Variants in ATP8A2 observed in about 807,000 individuals in gnomAD.
ATP8A2 encodes the protein phospholipid-transporting ATPase IB.
ATP8A2 carries 100 observed loss-of-function variants against 165.6 expected under a neutral mutation model. That is an observed-to-expected ratio of 0.60 (90% CI 0.51 to 0.71). The LOEUF (loss-of-function observed/expected upper bound fraction) is 0.71, where lower values mean the gene tolerates loss of function less well. Ranked by LOEUF, ATP8A2 falls within the 30% of genes least tolerant of loss-of-function variation. The pLI is 0.00. For missense variants in ATP8A2, 1,227 were observed against 1,479.5 expected (o/e 0.83, Z 2.80); for synonymous variants, 543 against 548.8 (o/e 0.99, Z 0.15).
intron 6 of ATP8A2, 32 bp downstream of exon 6, chr13:25,533,345 T>G (rs369124359): frequency 1.5e-6 from 2 of 1,300,526 alleles, no homozygotes; most frequent in African/African-American, 2.9e-5. Context: ...GTACCAGTAC[T>G]ATTGGTTTGA....
chr13:25,619,455 G>T (rs1160809441), intron 24 of ATP8A2, among the ~76,000 whole-genome samples: 1 of 152,078 alleles, frequency 6.6e-6, no homozygotes. Context: ...AGCACGAAAA[G>T]ACACTATAAA....
At chr13:25,552,461 A>G (rs1238154200) in intron 11 of ATP8A2, among the ~76,000 whole-genome samples, 1 of 152,172 alleles carries the variant, frequency 6.6e-6, no homozygotes, top group Non-Finnish European at 1.5e-5. Context: ...ATGCAATTTT[A>G]TGATGCTTTT....
chr13:25,538,812 G>A (rs1420693171), intron 7 of ATP8A2, among the ~76,000 whole-genome samples: 5 of 152,038 alleles, frequency 3.3e-5, no homozygotes, highest in South Asian at 2.1e-4. Flanking sequence ...TGCAGACAGC[G>A]TTTCTTGTAT....
intron 27 of ATP8A2, among the ~76,000 whole-genome samples, chr13:25,786,972 G>A (rs1200405642): frequency 1.3e-5 from 2 of 152,056 alleles, no homozygotes; most frequent in African/African-American, 4.8e-5. Flanking sequence ...GCTTAGAAAC[G>A]GGGTTTTGCC....
chr13:25,426,559 T>TTA (rs1228448037), intron 1 of ATP8A2, among the ~76,000 whole-genome samples: 2 of 152,150 alleles, frequency 1.3e-5, no homozygotes, highest in African/African-American at 2.4e-5. Flanking sequence ...TGTGATACCA[T>TTA]TATGGTGGCT....
At chr13:25,572,992 A>C (rs948501193) in intron 18 of ATP8A2, among the ~76,000 whole-genome samples, 4 of 152,220 alleles carry the variant, frequency 2.6e-5, no homozygotes, top group Non-Finnish European at 5.9e-5. Flanking sequence ...AGATGAGATC[A>C]TGTGATCATG....
At chr13:25,762,268 CAAAAAAAAA>C (rs59081934) in intron 25 of ATP8A2, among the ~76,000 whole-genome samples, 6 of 41,310 alleles carry the variant, frequency 1.5e-4, no homozygotes, top group East Asian at 1.1e-3. Flanking sequence ...GACTCTGTCT[CAAAAAAAAA>C]AAAAAAAAAA....
chr13:25,385,926 T>TTTA (rs2137946269), intron 1 of ATP8A2, among the ~76,000 whole-genome samples: 1 of 151,872 alleles, frequency 6.6e-6, no homozygotes, highest in African/African-American at 2.4e-5. Flanking sequence ...ATTTTTTTTT[T>TTTA]TTTTTTGTAG....
chr13:25,504,590 A>G (rs1339769553), intron 2 of ATP8A2, among the ~76,000 whole-genome samples: 1 of 147,692 alleles, frequency 6.8e-6, no homozygotes, highest in Non-Finnish European at 1.5e-5. Context: ...AATACAAAAA[A>G]TTAGCCGGGC....
intron 1 of ATP8A2, among the ~76,000 whole-genome samples, chr13:25,463,366 A>G (rs1566151155): frequency 6.6e-6 from 1 of 151,878 alleles, no homozygotes; most frequent in Non-Finnish European, 1.5e-5. Flanking sequence ...TCCCTGACCT[A>G]TTTAGTTTAT....
At chr13:25,717,814 G>A (rs932409069) in intron 25 of ATP8A2, among the ~76,000 whole-genome samples, 12 of 152,162 alleles carry the variant, frequency 7.9e-5, no homozygotes, top group African/African-American at 2.7e-4. Context: ...TGGTCTTGTA[G>A]TATGTGCTTG....
At chr13:25,922,351 T>A (rs940612067) in intron 33 of ATP8A2, among the ~76,000 whole-genome samples, 1 of 152,214 alleles carries the variant, frequency 6.6e-6, no homozygotes, top group Admixed American at 6.5e-5. Flanking sequence ...CATAAATCAG[T>A]ACAATTAGTT....
intron 2 of ATP8A2, among the ~76,000 whole-genome samples, chr13:25,497,896 A>G (rs1444603709): frequency 6.6e-6 from 1 of 152,168 alleles, no homozygotes; most frequent in Non-Finnish European, 1.5e-5. Context: ...TGGGAGGCAG[A>G]GGTTGCAGTG....
chr13:25,726,970 TG>T (rs2043508071), intron 25 of ATP8A2, among the ~76,000 whole-genome samples: 1 of 152,122 alleles, frequency 6.6e-6, no homozygotes, highest in African/African-American at 2.4e-5. Flanking sequence ...GATACATACA[TG>T]TGTACATTTC....
At chr13:25,402,746 T>G (rs1449245161) in intron 1 of ATP8A2, among the ~76,000 whole-genome samples, 2 of 152,202 alleles carry the variant, frequency 1.3e-5, no homozygotes, top group Non-Finnish European at 2.9e-5. Flanking sequence ...ATGGGATTAA[T>G]GCCCTTATGA....
At position 25,402,327 on chromosome 13, in the gene ATP8A2, G is replaced by A. The variant is rs142090387; in HGVS notation, c.76+30039G>A. Among the ~76,000 whole-genome samples the A allele has an allele frequency of 1.8e-4, 27 of 152,310 alleles. No individual in the cohort carries two copies. In the Middle Eastern group the frequency reaches 0.014, roughly 77 times the overall value. The stretch of plus-strand genomic sequence containing the variant: ...GAACTGAAACTGCAGAAAGCAAAAC[G>A]GTGGGTCAAGGCGGCTCTTGTATAT... On this transcript the variant is annotated intron_variant, in intron 1 of 36. Transcript: ENST00000381655.
chr13:25,824,674 T>G (rs1270431540), intron 27 of ATP8A2, among the ~76,000 whole-genome samples: 1 of 152,170 alleles, frequency 6.6e-6, no homozygotes, highest in African/African-American at 2.4e-5. Context: ...AGAGGAAATT[T>G]CTGTGTGTTA....
intron 27 of ATP8A2, among the ~76,000 whole-genome samples, chr13:25,798,418 A>T (rs1035240463): frequency 1.3e-4 from 20 of 152,140 alleles, no homozygotes; most frequent in African/African-American, 4.8e-4. Context: ...ACATTTGGTG[A>T]TTTGGTGCAC....
chr13:25,923,080 A>G (rs538109808), intron 33 of ATP8A2, among the ~76,000 whole-genome samples: 1 of 152,328 alleles, frequency 6.6e-6, no homozygotes, highest in East Asian at 1.9e-4. Context: ...TAGAAAGCAA[A>G]GGAACAACCT....
Sources: allele counts gnomAD v4.1 joint callset (sites outside exome capture counted in the v4.1 genomes callset), GRCh38; gene constraint gnomAD v4.1.1; transcripts MANE v1.5; gene names NCBI Gene and HGNC (gene_info 2026-07-23, HGNC 2026-07-21).